Variants in NELL1 observed in about 807,000 individuals in gnomAD.
NELL1 encodes protein kinase C-binding protein NELL1.
Under a neutral mutation model 107.4 loss-of-function variants are expected in NELL1, and 76 were observed. That is an observed-to-expected ratio of 0.71 (90% CI 0.59 to 0.86). NELL1 has a LOEUF of 0.86. NELL1 is among the 40% of genes least tolerant of loss of function. The pLI is 0.00. For synonymous variants in NELL1, 353 were observed against 341.2 expected (o/e 1.03, Z -0.38); for missense variants, 1,024 against 1,005.5 (o/e 1.02, Z -0.25).
At chr11:20,974,908 T>A (rs1017731599) in intron 12 of NELL1, among the ~76,000 whole-genome samples, 5 of 152,232 alleles carry the variant, frequency 3.3e-5, no homozygotes, top group African/African-American at 1.2e-4. Context: ...AGGAAGTGGA[T>A]TTTTTTCCTA....
At chr11:21,157,159 ATATG>A (rs1403116407) in intron 13 of NELL1, among the ~76,000 whole-genome samples, 1 of 138,430 alleles carries the variant, frequency 7.2e-6, no homozygotes, top group Non-Finnish European at 1.6e-5. Context: ...GTATATATAT[ATATG>A]TGTGTGTGTG....
At chr11:21,452,003 C>T (rs774485580) in intron 15 of NELL1, among the ~76,000 whole-genome samples, 6 of 152,086 alleles carry the variant, frequency 3.9e-5, no homozygotes, top group Admixed American at 1.3e-4. Flanking sequence ...TTTTAAATTT[C>T]GTTCAGTACT....
At chr11:21,100,383 A>G (rs1300156068) in intron 12 of NELL1, among the ~76,000 whole-genome samples, 1 of 152,198 alleles carries the variant, frequency 6.6e-6, no homozygotes, top group Admixed American at 6.5e-5. Context: ...TTGTGCAACA[A>G]TCATCGCTAT....
intron 14 of NELL1, among the ~76,000 whole-genome samples, chr11:21,335,381 G>C (rs183815564): frequency 6.4e-4 from 98 of 152,028 alleles, no homozygotes; most frequent in African/African-American, 2.3e-3. Flanking sequence ...CAGTACCTGA[G>C]TTTTTTCTTA....
intron 15 of NELL1, among the ~76,000 whole-genome samples, chr11:21,384,612 A>G (rs1370393743): frequency 6.6e-6 from 1 of 151,688 alleles, no homozygotes; most frequent in Non-Finnish European, 1.5e-5. Flanking sequence ...CCACCCCACA[A>G]CAGTCCCCAG....
At chr11:20,776,509 C>T (rs765017024) in intron 2 of NELL1, among the ~76,000 whole-genome samples, 1 of 151,724 alleles carries the variant, frequency 6.6e-6, no homozygotes, top group East Asian at 1.9e-4. Context: ...AAAATGATTA[C>T]ACATGTAAAT....
intron 16 of NELL1, among the ~76,000 whole-genome samples, chr11:21,548,868 A>G (rs568526809): frequency 1.5e-4 from 23 of 150,798 alleles, no homozygotes; most frequent in Admixed American, 3.3e-4. Flanking sequence ...TACTCTTTCT[A>G]TACCTCTTAC....
At chr11:21,096,738 C>CT (rs1420732011) in intron 12 of NELL1, among the ~76,000 whole-genome samples, 1 of 152,002 alleles carries the variant, frequency 6.6e-6, no homozygotes, top group Non-Finnish European at 1.5e-5. Context: ...TGTTTTTTCT[C>CT]TTTTTTGATA....
At chr11:21,129,263 G>T (rs1337683285) in intron 13 of NELL1, among the ~76,000 whole-genome samples, 1 of 152,174 alleles carries the variant, frequency 6.6e-6, no homozygotes, top group Non-Finnish European at 1.5e-5. Flanking sequence ...TGGTGAGGAT[G>T]TGGAGGAACT....
intron 15 of NELL1, among the ~76,000 whole-genome samples, chr11:21,395,615 C>T (rs1312361234): frequency 1.3e-5 from 2 of 151,518 alleles, no homozygotes; most frequent in African/African-American, 4.8e-5. Context: ...GAAATTTCTT[C>T]ATGATACAGT....
chr11:21,014,283 G>A (rs1028465815), intron 12 of NELL1, among the ~76,000 whole-genome samples: 1 of 152,068 alleles, frequency 6.6e-6, no homozygotes, highest in Non-Finnish European at 1.5e-5. Context: ...TGCCCTGCAG[G>A]TCTTCCTATG....
chr11:21,534,746 T>C lies in NELL1; in HGVS notation c.1786+232T>C, dbSNP rs373116581. The stretch of plus-strand genomic sequence containing the variant: ...GACAGAGGAACAAAACCTGGGTCTA[T>C]ATGTTATGGCTTTGTTCTAAGGAAA... On this transcript the variant is annotated intron_variant, in intron 16 of 19. Coordinates refer to ENST00000357134, the MANE Select transcript of NELL1 (RefSeq NM_006157.5). Among the ~76,000 whole-genome samples the C allele has an allele frequency of 7.9e-5, 12 of 152,316 alleles. 1 individual carries two copies. Among genetic ancestry groups the C allele is most frequent in the African/African-American group, 2.9e-4 (12 of 41,586 alleles).
intron 15 of NELL1, among the ~76,000 whole-genome samples, chr11:21,425,589 T>C (rs1376832424): frequency 3.3e-5 from 5 of 152,138 alleles, no homozygotes; most frequent in Non-Finnish European, 1.5e-5. Flanking sequence ...AACCAAGGAA[T>C]GCAGGCAGGC....
At chr11:21,471,702 A>G (rs1463436402) in intron 15 of NELL1, among the ~76,000 whole-genome samples, 2 of 152,040 alleles carry the variant, frequency 1.3e-5, no homozygotes, top group African/African-American at 4.8e-5. Context: ...AGAGTTTAGG[A>G]CTTGTCCAAG....
At position 21,504,683 on chromosome 11, in the gene NELL1, G is replaced by A. The variant is rs4363592; in HGVS notation, c.1646-29691G>A. On this transcript the variant is annotated intron_variant, in intron 15 of 19. Coordinates refer to ENST00000357134, the MANE Select transcript of NELL1 (RefSeq NM_006157.5). ...TGGTAATTTTCCTGCTTTTCCTGTGGCTTCCAGGGAGAATGTATACTACTC... is the reference window on the plus strand; with the variant it reads ...TGGTAATTTTCCTGCTTTTCCTGTGACTTCCAGGGAGAATGTATACTACTC... Among the ~76,000 whole-genome samples, 2,137 of 152,018 alleles carry A rather than the reference G, an allele frequency of 0.014. 145 individuals are homozygous for A. In the East Asian group the frequency reaches 0.23, roughly 16 times the overall value.
intron 15 of NELL1, among the ~76,000 whole-genome samples, chr11:21,489,404 A>AAAAAAAAAAC (rs1554922049): frequency 9.5e-5 from 13 of 137,266 alleles, no homozygotes; most frequent in Admixed American, 5.4e-4. Context: ...AAAAAAAAAA[A>AAAAAAAAAAC]AAAACAGAAG....
chr11:20,927,505 A>G, intron 8 of NELL1, 63 bp downstream of exon 8: 4 of 1,475,090 alleles, frequency 2.7e-6, no homozygotes, highest in Non-Finnish European at 3.7e-6. Context: ...TGATAATTAG[A>G]GTGTAACCTG....
intron 15 of NELL1, among the ~76,000 whole-genome samples, chr11:21,510,078 G>A (rs145937589): frequency 5.5e-4 from 83 of 152,252 alleles, no homozygotes; most frequent in African/African-American, 1.9e-3. Context: ...TAACATCTTC[G>A]GCACTTGAGT....
chr11:20,871,292 G>T (rs575266385), intron 4 of NELL1, among the ~76,000 whole-genome samples: 1 of 152,318 alleles, frequency 6.6e-6, no homozygotes, highest in Non-Finnish European at 1.5e-5. Context: ...CAGGCAAAGA[G>T]GGGTGGAGAG....
Sources: allele counts gnomAD v4.1 joint callset (sites outside exome capture counted in the v4.1 genomes callset), GRCh38; gene constraint gnomAD v4.1.1; transcripts MANE v1.5; gene names NCBI Gene and HGNC (gene_info 2026-07-23, HGNC 2026-07-21).